The following CNTN6 variants were observed in gnomAD, a reference collection of about 807,000 sequenced individuals.
The protein encoded by CNTN6 is contactin-6.
In CNTN6, 137 loss-of-function variants were observed where a neutral mutation model predicts 122.8. That is an observed-to-expected ratio of 1.12 (90% CI 0.97 to 1.29). The LOEUF (loss-of-function observed/expected upper bound fraction) is 1.29, where lower values mean the gene tolerates loss of function less well. Ranked by LOEUF, CNTN6 falls within the 50% of genes most tolerant of loss-of-function variation. CNTN6 has a pLI of 0.00. For missense variants in CNTN6, 1,634 were observed against 1,223.4 expected (o/e 1.34, Z -5.01); for synonymous variants, 570 against 426.0 (o/e 1.34, Z -4.16).
intron 17 of CNTN6, among the ~76,000 whole-genome samples, chr3:1,379,355 T>C (rs1272690045): frequency 6.6e-6 from 1 of 152,138 alleles, no homozygotes; most frequent in East Asian, 1.9e-4. Context: ...CATGAGACCA[T>C]ATATCCCACA....
At chr3:1,346,488 TAA>T (rs1280654994) in intron 11 of CNTN6, among the ~76,000 whole-genome samples, 3 of 152,068 alleles carry the variant, frequency 2.0e-5, no homozygotes, top group East Asian at 1.9e-4. Flanking sequence ...GACAGCGTTT[TAA>T]AAGAGTCTGG....
At chr3:1,302,945 T>TTTGA (rs1697679694) in intron 7 of CNTN6, among the ~76,000 whole-genome samples, 1 of 151,340 alleles carries the variant, frequency 6.6e-6, no homozygotes, top group African/African-American at 2.4e-5. Context: ...TTTTAAAATT[T>TTTGA]TTATTTTTAT....
chr3:1,245,820 C>G (rs2125640074), intron 4 of CNTN6, among the ~76,000 whole-genome samples: 1 of 152,044 alleles, frequency 6.6e-6, no homozygotes, highest in Admixed American at 6.6e-5. Flanking sequence ...TGTTTTAAAG[C>G]AGGAGTGTCC....
At chr3:1,351,719 C>A (rs1191588000) in intron 11 of CNTN6, among the ~76,000 whole-genome samples, 1 of 151,800 alleles carries the variant, frequency 6.6e-6, no homozygotes, top group Non-Finnish European at 1.5e-5. Flanking sequence ...TCATAATTAA[C>A]CCATGAAGCC....
intron 1 of CNTN6, among the ~76,000 whole-genome samples, chr3:1,120,576 G>C (rs886972193): frequency 2.6e-5 from 4 of 151,770 alleles, no homozygotes; most frequent in African/African-American, 7.2e-5. Flanking sequence ...CCTTCTATCA[G>C]ATATATGTAT....
At chr3:1,385,522 C>T (rs1337967693) in intron 19 of CNTN6, 89 bp from the exon 20 acceptor site, 2 of 1,035,086 alleles carry the variant, frequency 1.9e-6, no homozygotes, top group East Asian at 2.6e-5. Flanking sequence ...TCCCATATTC[C>T]TTGTGGTTGT....
chr3:1,205,698 T>G (rs947188108), intron 2 of CNTN6, among the ~76,000 whole-genome samples: 1 of 152,220 alleles, frequency 6.6e-6, no homozygotes, highest in African/African-American at 2.4e-5. Flanking sequence ...TGAAAGATTT[T>G]CTTTAACTCA....
chr3:1,366,960 A>C (rs912415790), intron 12 of CNTN6, among the ~76,000 whole-genome samples: 1 of 152,144 alleles, frequency 6.6e-6, no homozygotes, highest in Non-Finnish European at 1.5e-5. Context: ...GTATGTCATC[A>C]TATCACTCCT....
chr3:1,098,787 C>CATATAT (rs1241583874), intron 1 of CNTN6, among the ~76,000 whole-genome samples: 856 of 55,220 alleles, frequency 0.016, 8 homozygotes, highest in South Asian at 0.02. Flanking sequence ...CACACACACA[C>CATATAT]ACATATATAT....
intron 4 of CNTN6, among the ~76,000 whole-genome samples, chr3:1,252,785 TC>T (rs2094691641): frequency 6.6e-6 from 1 of 152,020 alleles, no homozygotes; most frequent in Non-Finnish European, 1.5e-5. Flanking sequence ...AAATAGAGGG[TC>T]CTTCCTGCCA....
intron 4 of CNTN6, among the ~76,000 whole-genome samples, chr3:1,273,604 G>T (rs1691777169): frequency 6.6e-6 from 1 of 152,104 alleles, no homozygotes; most frequent in African/African-American, 2.4e-5. Flanking sequence ...TTTAAATAAG[G>T]CAGACTTATA....
At chr3:1,283,100 G>T (rs1559703482) in intron 5 of CNTN6, among the ~76,000 whole-genome samples, 1 of 152,028 alleles carries the variant, frequency 6.6e-6, no homozygotes, top group Non-Finnish European at 1.5e-5. Flanking sequence ...AGCCTCCTGT[G>T]TAGCTGGGAC....
chr3:1,191,117 T>C (rs2093695913), intron 2 of CNTN6, among the ~76,000 whole-genome samples: 1 of 152,178 alleles, frequency 6.6e-6, no homozygotes, highest in Non-Finnish European at 1.5e-5. Flanking sequence ...TACAATTTCC[T>C]TAGTGATGAG....
intron 2 of CNTN6, among the ~76,000 whole-genome samples, chr3:1,174,992 T>C (rs1325326761): frequency 6.6e-6 from 1 of 152,026 alleles, no homozygotes; most frequent in African/African-American, 2.4e-5. Flanking sequence ...ATTCCAGCAT[T>C]TTTGGAGGCC....
At chr3:1,294,972 G>A (rs1270066331) in intron 5 of CNTN6, among the ~76,000 whole-genome samples, 1 of 152,124 alleles carries the variant, frequency 6.6e-6, no homozygotes. Context: ...GTAATAATCA[G>A]GCCAGTGCAG....
intron 3 of CNTN6, among the ~76,000 whole-genome samples, chr3:1,227,420 C>A (rs1159641377): frequency 6.6e-6 from 1 of 151,992 alleles, no homozygotes. Context: ...TTCTTGAATT[C>A]CTATCTTTAA....
In CNTN6 at chr3:1,232,383, G is replaced by T. The variant is rs189476683; in HGVS notation, c.358+4390G>T. On this transcript the variant is annotated intron_variant, in intron 4 of 22. Transcript: ENST00000446702. ...ATCAAGTACTACACTAGGTCCTAAA[G>T]ATTAAATGGTAGATAAGAAACAGCT... Among the ~76,000 whole-genome samples, 660 of 152,292 alleles carry T rather than the reference G, an allele frequency of 4.3e-3. 5 individuals carry two copies. Among genetic ancestry groups the T allele is most frequent in the African/African-American group, 0.015 (624 of 41,578 alleles).
intron 2 of CNTN6, among the ~76,000 whole-genome samples, chr3:1,159,237 G>C (rs1267343849): frequency 1.3e-5 from 2 of 151,826 alleles, no homozygotes; most frequent in Admixed American, 6.6e-5. Context: ...CTACAACCAT[G>C]AACAGTCCCA....
At chr3:1,315,319 T>C (rs980076695) in intron 7 of CNTN6, among the ~76,000 whole-genome samples, 3 of 152,032 alleles carry the variant, frequency 2.0e-5, no homozygotes, top group African/African-American at 7.2e-5. Context: ...CTAAAAAGAA[T>C]GCTGAAGCCA....
Sources: allele counts gnomAD v4.1 joint callset (sites outside exome capture counted in the v4.1 genomes callset), GRCh38; gene constraint gnomAD v4.1.1; transcripts MANE v1.5; gene names NCBI Gene and HGNC (gene_info 2026-07-23, HGNC 2026-07-21).